Variants in NSUN3 observed in about 807,000 individuals in gnomAD.
NSUN3 encodes the protein tRNA (cytosine(34)-C(5))-methyltransferase, mitochondrial.
NSUN3 carries 24 observed loss-of-function variants against 36.8 expected under a neutral mutation model. The ratio of observed to expected loss-of-function variants is 0.65; its 90% confidence interval spans 0.47 to 0.92. The LOEUF (loss-of-function observed/expected upper bound fraction) is 0.92, where lower values mean the gene tolerates loss of function less well. Among genes scored for constraint, NSUN3 ranks in the 40% least tolerant of loss-of-function variants. The pLI is 0.00. For missense variants in NSUN3, 381 were observed against 392.8 expected (o/e 0.97, Z 0.25); for synonymous variants, 146 against 145.2 (o/e 1.01, Z -0.04).
In NSUN3 at chr3:94,063,079, T is replaced by A; in HGVS notation, c.-48T>A. The A allele has an allele frequency of 6.2e-7, 1 of 1,613,216 alleles. No homozygotes were observed. The highest frequency in any genetic ancestry group is 8.5e-7 in the Non-Finnish European group (1 of 1,179,218). ...TTTTTTCAGTTCCCTGGAGGCTTTT[T>A]GATACTGATTCGCGTACACCTGTTG... On this transcript the variant is annotated 5_prime_UTR_variant, in exon 1 of 6. Transcript: ENST00000314622.
chr3:94,114,592 A>G (rs1017237896), intron 5 of NSUN3, among the ~76,000 whole-genome samples: 1 of 151,990 alleles, frequency 6.6e-6, no homozygotes, highest in Admixed American at 6.6e-5. Flanking sequence ...GATTCTTTCT[A>G]TTTTGTTTAC....
chr3:94,076,274 C>T, intron 2 of NSUN3: 1 of 899,992 alleles, frequency 1.1e-6, no homozygotes, highest in African/African-American at 1.6e-5. Flanking sequence ...TCAGATTTCT[C>T]AGATCCCACA....
intron 5 of NSUN3, among the ~76,000 whole-genome samples, chr3:94,117,215 G>T (rs1283315867): frequency 6.6e-6 from 1 of 151,872 alleles, no homozygotes; most frequent in Admixed American, 6.6e-5. Context: ...GGCCAGGCTG[G>T]TCTTGAACTC....
chr3:94,090,884 C>G, intron 3 of NSUN3, among the ~76,000 whole-genome samples: 1 of 152,092 alleles, frequency 6.6e-6, no homozygotes, highest in East Asian at 1.9e-4. Context: ...AGTAGAGCAT[C>G]TAATAGAAGA....
intron 5 of NSUN3, among the ~76,000 whole-genome samples, chr3:94,106,402 G>T (rs943922215): frequency 2.6e-5 from 4 of 152,132 alleles, no homozygotes; most frequent in Non-Finnish European, 2.9e-5. Context: ...ATTTACAGAA[G>T]TCTTTTGATA....
In NSUN3 at chr3:94,085,654, G is replaced by A. The variant is rs562718294; in HGVS notation, c.466+1204G>A. Among the ~76,000 whole-genome samples, 120 of 152,272 alleles carry A rather than the reference G, an allele frequency of 7.9e-4. 1 individual carries two copies. Among genetic ancestry groups the A allele is most frequent in the African/African-American group, 2.7e-3 (113 of 41,554 alleles). The stretch of plus-strand genomic sequence containing the variant: ...CATGTCTGTAGTCCCAGCTACTCGG[G>A]AGGCTAAGGTAGGAGGATTGCTTGA... On this transcript the variant is annotated intron_variant, in intron 3 of 5. Coordinates refer to ENST00000314622, the MANE Select transcript of NSUN3 (RefSeq NM_022072.5).
chr3:94,119,939 A>G (rs1272495475), intron 5 of NSUN3, among the ~76,000 whole-genome samples: 9 of 152,266 alleles, frequency 5.9e-5, no homozygotes, highest in Admixed American at 4.6e-4. Flanking sequence ...GTTAAGTTAT[A>G]CCTGCCTAAT....
intron 3 of NSUN3, among the ~76,000 whole-genome samples, chr3:94,086,982 A>G (rs1159569732): frequency 6.6e-6 from 1 of 152,220 alleles, no homozygotes; most frequent in Non-Finnish European, 1.5e-5. Context: ...AATTATCCTC[A>G]TTAGTAGGCT....
intron 5 of NSUN3, among the ~76,000 whole-genome samples, chr3:94,096,402 G>A (rs1021555074): frequency 2.0e-5 from 3 of 152,020 alleles, no homozygotes; most frequent in African/African-American, 7.2e-5. Flanking sequence ...TTCCCTTTTA[G>A]CCTTTGGGTT....
intron 3 of NSUN3, among the ~76,000 whole-genome samples, chr3:94,090,574 G>T (rs1290031856): frequency 6.6e-6 from 1 of 152,108 alleles, no homozygotes; most frequent in East Asian, 1.9e-4. Flanking sequence ...AGAGGTAAGG[G>T]ATATAGAAAT....
rs1248289330 is a variant in NSUN3 at position 94,129,920 on chromosome 3, T to TC, written c.*3430_*3431insC. On this transcript the variant is annotated 3_prime_UTR_variant, in exon 6 of 6. Coordinates refer to ENST00000314622, the MANE Select transcript of NSUN3 (RefSeq NM_022072.5). ...GGCACCCGCCACCATGCTTGGCTAATTTTTTTTGTATTTTTAGTAAAGATG... is the reference window on the plus strand; with the variant it reads ...GGCACCCGCCACCATGCTTGGCTAATCTTTTTTTGTATTTTTAGTAAAGATG... Among the ~76,000 whole-genome samples, 1 of 151,360 alleles carries TC rather than the reference T, an allele frequency of 6.6e-6. No homozygotes were observed. The highest frequency in any genetic ancestry group is 2.0e-4 in the East Asian group (1 of 5,120).
intron 5 of NSUN3, among the ~76,000 whole-genome samples, chr3:94,120,933 A>G (rs1039162747): frequency 1.3e-5 from 2 of 152,210 alleles, no homozygotes; most frequent in African/African-American, 4.8e-5. Context: ...GTTAGTAGAA[A>G]ATGATCCAAA....
rs2077327713 is a variant in NSUN3 at position 94,094,165 on chromosome 3, T to C, written c.492T>C (p.Asp164=). ...GTTATCTTCATTGTAATGAATATGA[T>C]AGTCTGAGATTGAGGTGGCTAAGGC... ...CPGYLHCNEY[D]SLRLRWLRQT... The change falls in exon 4 of 6, where the codon GAT becomes GAC. Residue 164 remains aspartate (D), a synonymous_variant. Transcript: ENST00000314622. 6.2e-7 allele frequency: 1 copy of C among 1,612,060 alleles called. No individual in the cohort carries two copies. Among genetic ancestry groups the C allele is most frequent in the East Asian group, 2.2e-5 (1 of 44,764 alleles).
At chr3:94,117,166 T>A (rs1299048612) in intron 5 of NSUN3, among the ~76,000 whole-genome samples, 1 of 151,866 alleles carries the variant, frequency 6.6e-6, no homozygotes, top group African/African-American at 2.4e-5. Flanking sequence ...ACTCGGCTAA[T>A]TTCTCATATT....
At chr3:94,088,688 TTA>T (rs1360258027) in intron 3 of NSUN3, among the ~76,000 whole-genome samples, 98 of 151,408 alleles carry the variant, frequency 6.5e-4, no homozygotes, top group African/African-American at 2.3e-3. Context: ...TTTTTTTTTT[TTA>T]GACATAGAGT....
At chr3:94,078,532 C>T (rs534140238) in intron 2 of NSUN3, among the ~76,000 whole-genome samples, 190 of 152,082 alleles carry the variant, frequency 1.2e-3, no homozygotes, top group African/African-American at 4.3e-3. Flanking sequence ...ATATTGACAG[C>T]GGGGTGTTAA....
chr3:94,096,314 G>A (rs1028124650), intron 5 of NSUN3, among the ~76,000 whole-genome samples: 5 of 152,132 alleles, frequency 3.3e-5, no homozygotes, highest in Non-Finnish European at 5.9e-5. Flanking sequence ...CATTTCAGCA[G>A]TTAGACTATT....
At chr3:94,105,882 C>CTTT (rs10630411) in intron 5 of NSUN3, among the ~76,000 whole-genome samples, 1 of 146,912 alleles carries the variant, frequency 6.8e-6, no homozygotes, top group African/African-American at 2.5e-5. Context: ...GAAGGCTTTT[C>CTTT]TTTTTTTTTT....
intron 5 of NSUN3, among the ~76,000 whole-genome samples, chr3:94,120,959 A>G (rs970213768): frequency 1.3e-5 from 2 of 152,228 alleles, no homozygotes; most frequent in South Asian, 4.1e-4. Flanking sequence ...TGTAGTTACA[A>G]CTTTACTTAG....
Sources: gnomAD v4.1 joint callset for allele counts (sites outside exome capture counted in the v4.1 genomes callset) on GRCh38, gnomAD v4.1.1 for gene constraint, MANE v1.5 for transcripts, NCBI Gene and HGNC (gene_info 2026-07-23, HGNC 2026-07-21) for gene names.